Variants in MYO16 observed in about 807,000 individuals in gnomAD.
The protein encoded by MYO16 is unconventional myosin-XVI.
Under a neutral mutation model 205.3 loss-of-function variants are expected in MYO16, and 94 were observed. That is an observed-to-expected ratio of 0.46 (90% confidence interval 0.39 to 0.54). The LOEUF is 0.54. Among genes scored for constraint, MYO16 ranks in the 20% least tolerant of loss-of-function variants. The pLI, the probability that MYO16 is intolerant of heterozygous loss-of-function variation, is 0.00. For missense variants in MYO16, 2,315 were observed against 2,387.5 expected, an observed-to-expected ratio of 0.97 and a Z score of 0.63; for synonymous variants, 988 against 954.0, an observed-to-expected ratio of 1.04 and a Z score of -0.66.
chr13:109,129,606 A>C lies in MYO16; in HGVS notation c.4051+2056A>C, dbSNP rs77917660. On this transcript the variant is annotated intron_variant, in intron 31 of 34. Coordinates refer to ENST00000457511, the MANE Select transcript of MYO16 (RefSeq NM_001198950.3). Reference sequence around the variant, plus strand: ...GCCCATATCTCAAAAAGGTGTGATTAGAATAACAAGAAAGATTTTTGGCAG... The same window carrying C: ...GCCCATATCTCAAAAAGGTGTGATTCGAATAACAAGAAAGATTTTTGGCAG... Among the ~76,000 whole-genome samples, 1,024 of 152,304 alleles carry C rather than the reference A, an allele frequency of 6.7e-3. 5 individuals carry two copies. The highest frequency in any genetic ancestry group is 0.023 in the African/African-American group (971 of 41,542).
chr13:108,951,762 A>C (rs551789351), intron 16 of MYO16, among the ~76,000 whole-genome samples: 108 of 152,288 alleles, frequency 7.1e-4, no homozygotes, highest in African/African-American at 2.5e-3. Flanking sequence ...TTCAGTTGCC[A>C]ACTCAACCCA....
rs556126612 is a variant in MYO16 at position 108,850,451 on chromosome 13, G to A, written c.1249-4992G>A. Among the ~76,000 whole-genome samples the A allele has an allele frequency of 3.3e-5, 5 of 152,264 alleles. No homozygotes were observed. In the South Asian group the frequency reaches 1.0e-3, roughly 32 times the overall value. On this transcript the variant is annotated intron_variant, in intron 10 of 34. Coordinates refer to ENST00000457511, the MANE Select transcript of MYO16 (RefSeq NM_001198950.3). ...AATTCTTCCTTGTCTTCTAAATTAT[G>A]CCTATCTTGTGTTTTAGATCTCTCC...
rs191559213 is a variant in MYO16, at chr13:108,666,201, A to G, written c.292+52A>G. The G allele has an allele frequency of 5.1e-5, 78 of 1,520,300 alleles. 1 individual carries two copies. The Middle Eastern group carries it at 8.7e-4, about 17-fold the overall frequency. 94.2% of individuals were successfully genotyped at this position (1,520,300 alleles called of 1,614,324 possible). A position where few individuals can be genotyped will look rare whatever the true frequency, so the allele number is the denominator to read the frequency against. ...TTTCTGATGTGATTTTTCATGATTG[A>G]TTTTTGTTGGTTTGTTGTTTTTTTG... is the stretch of plus-strand genomic sequence containing the variant. On this transcript the variant is annotated intron_variant, in intron 2 of 34. Transcript: ENST00000457511.
chr13:109,090,666 G>T (rs559848611), intron 27 of MYO16, among the ~76,000 whole-genome samples: 2 of 152,204 alleles, frequency 1.3e-5, no homozygotes, highest in Non-Finnish European at 2.9e-5. Flanking sequence ...ATGATGGGTG[G>T]ATATTTCCTG....
chr13:108,935,387 G>C (rs1226792448), intron 16 of MYO16, among the ~76,000 whole-genome samples: 1 of 152,092 alleles, frequency 6.6e-6, no homozygotes, highest in Non-Finnish European at 1.5e-5. Context: ...TTGTAAAAGG[G>C]ATTGCACTCT....
At chr13:108,987,143 G>T (rs575899978) in intron 20 of MYO16, among the ~76,000 whole-genome samples, 1 of 152,242 alleles carries the variant, frequency 6.6e-6, no homozygotes, top group Admixed American at 6.5e-5. Context: ...ATATTTCTGT[G>T]GGGAAAGGTG....
chr13:108,776,513 T>C (rs1886129418), intron 4 of MYO16, among the ~76,000 whole-genome samples: 2 of 152,220 alleles, frequency 1.3e-5, no homozygotes, highest in South Asian at 4.1e-4. Flanking sequence ...TTCGATTATT[T>C]CCTATATTCC....
chr13:108,586,389 A>C, the MYO16 span, among the ~76,000 whole-genome samples: 8 of 152,124 alleles, frequency 5.3e-5, no homozygotes, highest in Non-Finnish European at 1.0e-4. Flanking sequence ...TCTTTATACT[A>C]TATTAAATTC....
At chr13:108,728,122 C>T (rs1217886460) in intron 4 of MYO16, among the ~76,000 whole-genome samples, 4 of 152,030 alleles carry the variant, frequency 2.6e-5, no homozygotes, top group Admixed American at 2.6e-4. Context: ...ATAGTGATCT[C>T]TAGAAAGTAT....
chr13:109,060,637 A>G (rs1257267965), intron 27 of MYO16, among the ~76,000 whole-genome samples: 1 of 152,148 alleles, frequency 6.6e-6, no homozygotes, highest in Non-Finnish European at 1.5e-5. Context: ...TGTATCCCAG[A>G]ACTTGAAGTA....
chr13:108,738,471 T>C (rs1884784229), intron 4 of MYO16, among the ~76,000 whole-genome samples: 1 of 152,208 alleles, frequency 6.6e-6, no homozygotes, highest in South Asian at 2.1e-4. Context: ...CAATCCTGAG[T>C]TCTAGTTTGA....
At chr13:108,873,237 A>G (rs1377089189) in intron 12 of MYO16, among the ~76,000 whole-genome samples, 1 of 152,264 alleles carries the variant, frequency 6.6e-6, no homozygotes, top group African/African-American at 2.4e-5. Context: ...AAAATAAAAC[A>G]TTAAATATGA....
chr13:108,615,562 T>A (rs956835072), intron 1 of MYO16, among the ~76,000 whole-genome samples: 1 of 152,118 alleles, frequency 6.6e-6, no homozygotes, highest in Admixed American at 6.6e-5. Flanking sequence ...AGTGTCCATC[T>A]ACTGAAAGAA....
chr13:108,723,443 C>A (rs1884234386), intron 3 of MYO16, among the ~76,000 whole-genome samples: 1 of 151,878 alleles, frequency 6.6e-6, no homozygotes, highest in Non-Finnish European at 1.5e-5. Flanking sequence ...CTTTTTAGAA[C>A]TTTTGTAACT....
At chr13:108,593,699 G>A (rs1878462977), upstream of MYO16, among the ~76,000 whole-genome samples, 1 of 152,140 alleles carries the variant, frequency 6.6e-6, no homozygotes, top group Non-Finnish European at 1.5e-5. Flanking sequence ...CTTTTTCAGA[G>A]CTTCACCCAT....
chr13:108,931,905 C>T (rs747201187), intron 16 of MYO16, among the ~76,000 whole-genome samples: 11 of 152,194 alleles, frequency 7.2e-5, no homozygotes, highest in Non-Finnish European at 1.5e-4. Context: ...GAATGTTCCC[C>T]CTTCTTCATT....
At chr13:109,019,944 G>A in intron 23 of MYO16, 33 bp downstream of exon 23, 1 of 1,597,252 alleles carries the variant, frequency 6.3e-7, no homozygotes, top group East Asian at 2.2e-5. Context: ...TTTTTCATGT[G>A]CACTAATGAT....
chr13:108,673,784 T>C (rs1882090759), intron 2 of MYO16, among the ~76,000 whole-genome samples: 1 of 152,188 alleles, frequency 6.6e-6, no homozygotes, highest in African/African-American at 2.4e-5. Flanking sequence ...TCTTAACTTT[T>C]CTGATGATGT....
intron 17 of MYO16, among the ~76,000 whole-genome samples, chr13:108,959,339 T>G (rs1883496801): frequency 6.6e-6 from 1 of 152,218 alleles, no homozygotes; most frequent in African/African-American, 2.4e-5. Context: ...GCCTGAAATG[T>G]CTGCTTCCTC....
Sources: gnomAD v4.1 joint callset for allele counts (sites outside exome capture counted in the v4.1 genomes callset) on GRCh38, gnomAD v4.1.1 for gene constraint, MANE v1.5 for transcripts, NCBI Gene and HGNC (gene_info 2026-07-23, HGNC 2026-07-21) for gene names.